The following NPAS3 variants were observed in gnomAD, a reference collection of about 807,000 sequenced individuals.
NPAS3 encodes the protein neuronal PAS domain protein 3, also known as neuronal PAS domain-containing protein 3.
Under a neutral mutation model 73.1 loss-of-function variants are expected in NPAS3, and 14 were observed. The observed-to-expected ratio is 0.19, with a 90% confidence interval of 0.13 to 0.30. The LOEUF is 0.30. Ranked by LOEUF, NPAS3 falls within the 10% of genes least tolerant of loss-of-function variation. The pLI is 1.00. For synonymous variants in NPAS3, 620 were observed against 541.5 expected (o/e 1.14, Z -2.01); for missense variants, 1,096 against 1,250.0 (o/e 0.88, Z 1.86).
At chr14:33,282,711 GCTAGCCTGGAGCGGGA>G (rs2041677382) in intron 3 of NPAS3, among the ~76,000 whole-genome samples, 2 of 152,144 alleles carry the variant, frequency 1.3e-5, no homozygotes, top group South Asian at 4.1e-4. Context: ...CTGCTCGACT[GCTAGCCTGGAGCGGGA>G]CTGAATAGGG....
chr14:33,389,452 A>C (rs1407847599), intron 4 of NPAS3, among the ~76,000 whole-genome samples: 1 of 152,114 alleles, frequency 6.6e-6, no homozygotes, highest in Non-Finnish European at 1.5e-5. Context: ...TAGAAACAGA[A>C]CTCTATTAAA....
At chr14:33,789,033 G>A (rs17101890) in intron 9 of NPAS3, among the ~76,000 whole-genome samples, 65,033 of 151,580 alleles carry the variant, frequency 0.43, 14,557 homozygotes, top group East Asian at 0.59. Flanking sequence ...CACATGTTCT[G>A]AAATGTAAGC....
rs185894494 is a variant in NPAS3 at position 33,792,205 on chromosome 14, G to T, written c.1154-1692G>T. Reference sequence around the variant, plus strand: ...GCAGAACTTACAATTGCCTACAAAAGGAGAGTACAATGCAACCTGTGGAGC... The same window carrying T: ...GCAGAACTTACAATTGCCTACAAAATGAGAGTACAATGCAACCTGTGGAGC... On this transcript the variant is annotated intron_variant, in intron 9 of 11. Transcript: ENST00000356141. Among the ~76,000 whole-genome samples, 737 of 152,264 alleles carry T rather than the reference G, an allele frequency of 4.8e-3. 3 individuals are homozygous for T. Among genetic ancestry groups the T allele is most frequent in the African/African-American group, 0.016 (681 of 41,544 alleles).
intron 4 of NPAS3, among the ~76,000 whole-genome samples, chr14:33,373,386 A>ATG (rs5807721): frequency 0.036 from 5,242 of 147,174 alleles, 140 homozygotes; most frequent in East Asian, 0.14. Flanking sequence ...ATTGAACTAT[A>ATG]TGTGTGTGTG....
intron 4 of NPAS3, among the ~76,000 whole-genome samples, chr14:33,494,718 T>C (rs180917841): frequency 4.6e-5 from 7 of 152,246 alleles, no homozygotes; most frequent in African/African-American, 1.7e-4. Context: ...GTTTCCCTAA[T>C]TTGTTTTCTT....
chr14:33,044,112 T>A (rs566687701), intron 1 of NPAS3, among the ~76,000 whole-genome samples: 1 of 152,218 alleles, frequency 6.6e-6, no homozygotes, highest in Non-Finnish European at 1.5e-5. Flanking sequence ...CTATTACTTT[T>A]TTGTCAATGA....
intron 5 of NPAS3, among the ~76,000 whole-genome samples, chr14:33,670,907 C>T (rs1355306910): frequency 1.4e-5 from 2 of 139,454 alleles, no homozygotes; most frequent in African/African-American, 2.6e-5. Context: ...CTTGTGGTAA[C>T]CTCAATGCCC....
chr14:33,394,905 G>T (rs759493867), intron 4 of NPAS3, among the ~76,000 whole-genome samples: 1 of 152,100 alleles, frequency 6.6e-6, no homozygotes, highest in Non-Finnish European at 1.5e-5. Context: ...TATGCACTCA[G>T]GTAAATGGTG....
chr14:33,591,984 A>G (rs528993304), intron 5 of NPAS3, among the ~76,000 whole-genome samples: 6 of 152,314 alleles, frequency 3.9e-5, no homozygotes, highest in African/African-American at 1.2e-4. Flanking sequence ...TATCTTCACA[A>G]CATTGCTGTG....
At chr14:33,581,376 A>T (rs2056655823) in intron 5 of NPAS3, among the ~76,000 whole-genome samples, 1 of 152,176 alleles carries the variant, frequency 6.6e-6, no homozygotes, top group African/African-American at 2.4e-5. Flanking sequence ...TACATTTTTA[A>T]TTACAAAAGC....
chr14:33,441,292 A>C (rs894036245), intron 4 of NPAS3, among the ~76,000 whole-genome samples: 10 of 152,214 alleles, frequency 6.6e-5, no homozygotes, highest in Non-Finnish European at 4.4e-5. Context: ...TCCTAATATA[A>C]AACTTTATAG....
chr14:33,395,965 T>C (rs1413438526), intron 4 of NPAS3, among the ~76,000 whole-genome samples: 6 of 152,158 alleles, frequency 3.9e-5, no homozygotes, highest in African/African-American at 1.4e-4. Flanking sequence ...TGCCTCCTAG[T>C]TCTGGATGAG....
chr14:33,140,613 C>G (rs1233901188), intron 2 of NPAS3, among the ~76,000 whole-genome samples: 1 of 152,120 alleles, frequency 6.6e-6, no homozygotes, highest in Non-Finnish European at 1.5e-5. Context: ...CCCTTTCATA[C>G]TTCAGTTTTG....
At chr14:33,168,559 G>C (rs1024316576) in intron 2 of NPAS3, among the ~76,000 whole-genome samples, 1 of 152,198 alleles carries the variant, frequency 6.6e-6, no homozygotes, top group Non-Finnish European at 1.5e-5. Context: ...TAAAGATCTT[G>C]TGTGATAGCT....
At chr14:33,274,512 CCG>C (rs1293617238) in intron 3 of NPAS3, among the ~76,000 whole-genome samples, 26 of 152,128 alleles carry the variant, frequency 1.7e-4, no homozygotes, top group African/African-American at 6.0e-4. Flanking sequence ...TTACAATTGG[CCG>C]CTACCCGCTG....
chr14:33,770,103 T>G (rs2062604841), intron 7 of NPAS3, among the ~76,000 whole-genome samples: 1 of 152,056 alleles, frequency 6.6e-6, no homozygotes, highest in Admixed American at 6.6e-5. Flanking sequence ...TTGATGCCAG[T>G]GCCCCACCAC....
At chr14:33,184,342 G>T (rs2045909933) in intron 2 of NPAS3, among the ~76,000 whole-genome samples, 1 of 152,094 alleles carries the variant, frequency 6.6e-6, no homozygotes, top group Admixed American at 6.6e-5. Flanking sequence ...TGAGAGAAGG[G>T]CTGACCAATC....
At chr14:33,323,480 C>G (rs1021721947) in intron 3 of NPAS3, among the ~76,000 whole-genome samples, 1 of 152,280 alleles carries the variant, frequency 6.6e-6, no homozygotes, top group African/African-American at 2.4e-5. Flanking sequence ...TGGCACTGAT[C>G]ACAATGTTCA....
intron 2 of NPAS3, among the ~76,000 whole-genome samples, chr14:33,192,738 TAGAG>T (rs2139516817): frequency 6.6e-6 from 1 of 152,354 alleles, no homozygotes; most frequent in Non-Finnish European, 1.5e-5. Context: ...TTTAACTTGA[TAGAG>T]AAATTGAATT....
Sources: gnomAD v4.1 joint callset for allele counts (sites outside exome capture counted in the v4.1 genomes callset) on GRCh38, gnomAD v4.1.1 for gene constraint, MANE v1.5 for transcripts, NCBI Gene and HGNC (gene_info 2026-07-23, HGNC 2026-07-21) for gene names.